The following DNAJC17 variants were observed in gnomAD, a reference collection of about 807,000 sequenced individuals.
The protein encoded by DNAJC17 is dnaJ homolog subfamily C member 17.
DNAJC17 carries 35 observed loss-of-function variants against 48.1 expected under a neutral mutation model. The ratio of observed to expected loss-of-function variants is 0.73; its 90% CI spans 0.56 to 0.96. The LOEUF is 0.96. Among genes scored for constraint, DNAJC17 ranks in the 50% least tolerant of loss-of-function variants. The pLI is 0.00. For missense variants in DNAJC17, 355 were observed against 377.1 expected (o/e 0.94, Z 0.48); for synonymous variants, 117 against 142.7 (o/e 0.82, Z 1.28).
chr15:40,773,645 G>T, intron 10 of DNAJC17, 82 bp downstream of exon 10: 1 of 1,109,178 alleles, frequency 9.0e-7, no homozygotes, highest in Non-Finnish European at 1.3e-6. Context: ...ATCTGAATTT[G>T]GAAGGAAAGA....
intron 4 of DNAJC17, among the ~76,000 whole-genome samples, chr15:40,777,925 G>T (rs953202635): frequency 1.3e-5 from 2 of 152,190 alleles, no homozygotes; most frequent in Non-Finnish European, 2.9e-5. Flanking sequence ...GATATACAAA[G>T]AATACCTCAA....
At chr15:40,774,473 G>A (rs1220666499) in intron 8 of DNAJC17, 37 bp from the exon 9 acceptor site, 14 of 1,611,606 alleles carry the variant, frequency 8.7e-6, no homozygotes, top group East Asian at 2.2e-5. Context: ...GCATGACTTG[G>A]CCTTCAGGAT....
chr15:40,768,154 TA>T, intron 10 of DNAJC17, 92 bp from the exon 11 acceptor site: 1 of 1,414,624 alleles, frequency 7.1e-7, no homozygotes, highest in Non-Finnish European at 9.2e-7. Context: ...TGCTGCGTTC[TA>T]AGAGTCTCGG....
At chr15:40,773,452 G>A (rs1173589551) in intron 10 of DNAJC17, among the ~76,000 whole-genome samples, 1 of 152,194 alleles carries the variant, frequency 6.6e-6, no homozygotes, top group Non-Finnish European at 1.5e-5. Flanking sequence ...CTGAGGGCCA[G>A]GAAGATCCCT....
chr15:40,774,295 TG>T, intron 9 of DNAJC17, 60 bp downstream of exon 9: 1 of 1,577,956 alleles, frequency 6.3e-7, no homozygotes. Flanking sequence ...CCCACAGAAT[TG>T]GGTCCCTGCC....
intron 1 of DNAJC17, among the ~76,000 whole-genome samples, chr15:40,794,207 A>G (rs1455501456): frequency 2.0e-5 from 3 of 151,974 alleles, no homozygotes; most frequent in Non-Finnish European, 2.9e-5. Context: ...AAAATTAGCC[A>G]GGCATGGTGG....
At chr15:40,781,719 A>C (rs1056868546) in intron 1 of DNAJC17, among the ~76,000 whole-genome samples, 53 of 151,846 alleles carry the variant, frequency 3.5e-4, no homozygotes, top group South Asian at 1.5e-3. Flanking sequence ...CAGGAGATTG[A>C]GACCATCCCG....
intron 10 of DNAJC17, 88 bp from the exon 11 acceptor site, chr15:40,768,150 G>A: frequency 6.3e-6 from 9 of 1,422,070 alleles, no homozygotes; most frequent in Admixed American, 2.6e-5. Flanking sequence ...GCAGTGCTGC[G>A]TTCTAAGAGT....
chr15:40,768,136 C>T (rs1889006773), intron 10 of DNAJC17, 74 bp from the exon 11 acceptor site: 1 of 1,448,920 alleles, frequency 6.9e-7, no homozygotes, highest in Non-Finnish European at 9.1e-7. Context: ...AGTACGGTGC[C>T]GAGGCAGTGC....
chr15:40,773,698 G>T (rs373529791), intron 10 of DNAJC17, 29 bp downstream of exon 10: 2 of 1,578,456 alleles, frequency 1.3e-6, no homozygotes, highest in Non-Finnish European at 1.7e-6. Context: ...AGACCTGAGC[G>T]CCCAGCCGGG....
At chr15:40,779,647 A>G (rs376264877) in intron 2 of DNAJC17, 44 bp from the exon 3 acceptor site, 29 of 1,598,174 alleles carry the variant, frequency 1.8e-5, no homozygotes, top group Non-Finnish European at 2.4e-5. Flanking sequence ...TAAAGTTAAG[A>G]CTTCGTAATG....
At chr15:40,800,048 G>T (rs1340647311) in intron 1 of DNAJC17, among the ~76,000 whole-genome samples, 1 of 151,738 alleles carries the variant, frequency 6.6e-6, no homozygotes, top group Non-Finnish European at 1.5e-5. Flanking sequence ...ATCTTAATGG[G>T]TGTGAAGTGG....
chr15:40,778,315 G>A (rs1239141042), intron 4 of DNAJC17, among the ~76,000 whole-genome samples: 1 of 152,026 alleles, frequency 6.6e-6, no homozygotes, highest in Non-Finnish European at 1.5e-5. Context: ...GCACAGCAGC[G>A]TGATCTCAGC....
Position 40,775,560 on chromosome 15 carries a change from T to A in DNAJC17, c.515A>T (p.Lys172Ile), listed in dbSNP as rs1244157898. 6.2e-7 allele frequency: 1 copy of A among 1,613,950 alleles called. No homozygotes were observed. The change falls in exon 7 of 11, where the codon AAA (lysine) becomes ATA (isoleucine). Residue 172 changes from lysine to isoleucine, a missense_variant. By Grantham distance (102) the Lys-to-Ile change is moderately radical (BLOSUM62 -3). Coordinates refer to ENST00000220496, the MANE Select transcript of DNAJC17 (RefSeq NM_018163.3). ...AENTEGQGTP[K>I]LKLKWKCKKE... ...GATCCTGCCCAGGCTCACCTTTAGT[T>A]TGGGGGTTCCTTGGCCTTCAGTATT...
chr15:40,775,357 A>G, intron 7 of DNAJC17, 196 bp downstream of exon 7: 1 of 751,220 alleles, frequency 1.3e-6, no homozygotes, highest in South Asian at 1.7e-5. Context: ...CTGCCCTGTG[A>G]TCAGGGCTAA....
Position 40,767,709 on chromosome 15 carries a change from G to A in DNAJC17, c.*231C>T, listed in dbSNP as rs377408053. 32 of 642,672 alleles carry A rather than the reference G, an allele frequency of 5.0e-5. No homozygotes were observed. The East Asian group carries it at 8.1e-4, about 16-fold the overall frequency. 39.8% of individuals were successfully genotyped at this position (642,672 alleles called of 1,614,324 possible). On this transcript the variant is annotated 3_prime_UTR_variant, in exon 11 of 11. Transcript: ENST00000220496. ...AGCCAATAAAGGGCTGTGATGAGTG[G>A]CTGCGCCTGTGCTCTGCTTGTGCAC...
rs1203033598 is a variant in DNAJC17, at chr15:40,773,734, A to G, written c.785T>C (p.Leu262Pro). ...QDAVGRSHSG[L>P]SKGSVLSERD... ...CGAGGCCTGACTCCTCACCTTTGAC[A>G]GTCCTGAGTGGCTGCGGCCCACGGC... The change falls in exon 10 of 11, where the codon CTG becomes CCG. Residue 262 changes from leucine to proline, a missense_variant. This residue lies in a region of DNAJC17 where 88 missense variants were observed against 67.7 expected (regional missense o/e 1.30). Coordinates refer to ENST00000220496, the MANE Select transcript of DNAJC17 (RefSeq NM_018163.3). 8 of 1,613,326 alleles carry G rather than the reference A, an allele frequency of 5.0e-6. No homozygotes were observed. Among genetic ancestry groups the G allele is most frequent in the South Asian group, 1.1e-5 (1 of 91,012 alleles).
intron 1 of DNAJC17, among the ~76,000 whole-genome samples, chr15:40,788,552 C>A (rs559780562): frequency 6.6e-6 from 1 of 152,010 alleles, no homozygotes; most frequent in Non-Finnish European, 1.5e-5. Context: ...AGAAATTAGC[C>A]GGGCATGGTG....
chr15:40,765,892 T>C lies in DNAJC17; in HGVS notation c.*2048A>G. On this transcript the variant is annotated 3_prime_UTR_variant, in exon 11 of 11. Coordinates refer to ENST00000220496, the MANE Select transcript of DNAJC17 (RefSeq NM_018163.3). The stretch of plus-strand genomic sequence containing the variant: ...CAGAGCTGATGCAGCATCTGGGGGC[T>C]TCAAAGAGAAGAGCCTTGGGAAACA... 1 of 1,580,014 alleles carries C rather than the reference T, an allele frequency of 6.3e-7. No homozygotes were observed.
Sources: allele counts gnomAD v4.1 joint callset (sites outside exome capture counted in the v4.1 genomes callset), GRCh38; gene constraint gnomAD v4.1.1; regional missense constraint gnomAD v4.1.1; transcripts MANE v1.5; gene names NCBI Gene and HGNC (gene_info 2026-07-23, HGNC 2026-07-21).